SOX5: variants seen among roughly 807,000 people sequenced by gnomAD.
SOX5 encodes SRY-box transcription factor 5.
In SOX5, 9 loss-of-function variants were observed where a neutral mutation model predicts 92.0. The ratio of observed to expected loss-of-function variants is 0.10; its 90% confidence interval spans 0.06 to 0.17. The LOEUF (loss-of-function observed/expected upper bound fraction) is 0.17, where lower values mean the gene tolerates loss of function less well. Ranked by LOEUF, SOX5 falls within the 10% of genes least tolerant of loss-of-function variation. The pLI, the probability that SOX5 is intolerant of heterozygous loss-of-function variation, is 1.00. For missense variants in SOX5, 642 were observed against 944.5 expected (o/e 0.68, Z 4.20); for synonymous variants, 344 against 336.3 (o/e 1.02, Z -0.25).
At chr12:24,229,071 A>G (rs1273936966) in intron 3 of SOX5, among the ~76,000 whole-genome samples, 2 of 152,204 alleles carry the variant, frequency 1.3e-5, no homozygotes, top group African/African-American at 4.8e-5. Flanking sequence ...GGCAGACAGG[A>G]GAACGCCCCT....
chr12:24,194,432 T>C (rs12305236), intron 4 of SOX5, among the ~76,000 whole-genome samples: 1 of 99,238 alleles, frequency 1.0e-5, no homozygotes, highest in Non-Finnish European at 2.1e-5. Flanking sequence ...TAGGTAGGTA[T>C]GTAGGTAGGT....
chr12:24,269,836 GCAATTTT>G (rs967079765), intron 3 of SOX5, among the ~76,000 whole-genome samples: 4 of 123,862 alleles, frequency 3.2e-5, no homozygotes, highest in African/African-American at 1.2e-4. Flanking sequence ...GTTCCACCAT[GCAATTTT>G]TTTTTTTTTT....
intron 3 of SOX5, among the ~76,000 whole-genome samples, chr12:23,804,404 T>C (rs1361928691): frequency 8.5e-5 from 13 of 152,052 alleles, no homozygotes; most frequent in Admixed American, 2.0e-4. Flanking sequence ...TTCCAGTAAG[T>C]GTGTGGCCAG....
intron 11 of SOX5, among the ~76,000 whole-genome samples, chr12:23,561,427 T>A (rs149972161): frequency 1.3e-5 from 2 of 152,174 alleles, no homozygotes; most frequent in Non-Finnish European, 2.9e-5. Context: ...CATAAAGTCA[T>A]GTGTTAGAAC....
chr12:24,464,508 T>A (rs1352905913), intron 1 of SOX5, among the ~76,000 whole-genome samples: 2 of 151,950 alleles, frequency 1.3e-5, no homozygotes, highest in South Asian at 2.1e-4. Context: ...GCCCAGCTAA[T>A]TTTTTTGTAT....
At chr12:24,112,189 C>T (rs1947431687) in intron 4 of SOX5, among the ~76,000 whole-genome samples, 1 of 152,206 alleles carries the variant, frequency 6.6e-6, no homozygotes, top group Non-Finnish European at 1.5e-5. Context: ...ACGAGAGCCG[C>T]CCAGTGAAAC....
chr12:23,947,520 G>T (rs565101406), intron 1 of SOX5, among the ~76,000 whole-genome samples: 1 of 152,008 alleles, frequency 6.6e-6, no homozygotes, highest in South Asian at 2.1e-4. Flanking sequence ...GATTTGCTGA[G>T]ATCTTTGTAT....
chr12:24,541,194 G>T (rs1276972791), intron 1 of SOX5, among the ~76,000 whole-genome samples: 1 of 152,168 alleles, frequency 6.6e-6, no homozygotes, highest in Non-Finnish European at 1.5e-5. Context: ...GTATCATGCT[G>T]CACCAGAACA....
At chr12:24,416,898 A>T (rs959685820) in intron 1 of SOX5, among the ~76,000 whole-genome samples, 2 of 152,176 alleles carry the variant, frequency 1.3e-5, no homozygotes, top group African/African-American at 4.8e-5. Flanking sequence ...TTGTCTACTC[A>T]GCATCTCATT....
intron 3 of SOX5, among the ~76,000 whole-genome samples, chr12:23,817,677 T>C (rs2096022861): frequency 1.3e-5 from 2 of 152,194 alleles, no homozygotes; most frequent in South Asian, 4.1e-4. Flanking sequence ...TCTATCAATA[T>C]GTAAATATTA....
intron 6 of SOX5, among the ~76,000 whole-genome samples, chr12:23,721,317 T>C (rs1365528075): frequency 6.6e-6 from 1 of 152,072 alleles, no homozygotes; most frequent in Non-Finnish European, 1.5e-5. Flanking sequence ...ACTCCCGACC[T>C]TAGGTGATCC....
chr12:23,897,323 C>T (rs1316671226), intron 1 of SOX5, among the ~76,000 whole-genome samples: 1 of 151,918 alleles, frequency 6.6e-6, no homozygotes, highest in Non-Finnish European at 1.5e-5. Flanking sequence ...AACATGCATT[C>T]AAGTACAGGA....
At chr12:24,290,769 G>A (rs1266020199) in intron 2 of SOX5, among the ~76,000 whole-genome samples, 4 of 152,152 alleles carry the variant, frequency 2.6e-5, no homozygotes, top group Non-Finnish European at 4.4e-5. Flanking sequence ...GTTGGAGTAT[G>A]CACAGGAAGT....
intron 2 of SOX5, among the ~76,000 whole-genome samples, chr12:23,860,978 AC>A (rs1794876612): frequency 6.8e-6 from 1 of 146,716 alleles, no homozygotes; most frequent in South Asian, 2.2e-4. Context: ...AAAAAAAAAA[AC>A]CCTGCCAACA....
intron 8 of SOX5, among the ~76,000 whole-genome samples, chr12:23,618,562 C>T (rs924730316): frequency 6.6e-6 from 1 of 152,116 alleles, no homozygotes; most frequent in Non-Finnish European, 1.5e-5. Flanking sequence ...ACTTGAAACA[C>T]ATAAGGGGAG....
At chr12:23,670,820 T>C (rs571035092) in intron 6 of SOX5, among the ~76,000 whole-genome samples, 2 of 150,464 alleles carry the variant, frequency 1.3e-5, no homozygotes, top group African/African-American at 4.9e-5. Context: ...CCACAGACAT[T>C]AAAAAGAGTG....
chr12:23,674,336 A>ATT (rs34975795), intron 6 of SOX5, among the ~76,000 whole-genome samples: 34,974 of 97,244 alleles, frequency 0.36, 7,475 homozygotes, highest in East Asian at 0.62. Flanking sequence ...ATAAAAAGGA[A>ATT]TTTTTTTTTT....
intron 4 of SOX5, among the ~76,000 whole-genome samples, chr12:24,068,075 G>A (rs1244023465): frequency 6.6e-6 from 1 of 152,236 alleles, no homozygotes; most frequent in Non-Finnish European, 1.5e-5. Context: ...AACCCAGGAG[G>A]TGGAGGTTGC....
intron 2 of SOX5, among the ~76,000 whole-genome samples, chr12:23,880,333 A>C (rs1013814107): frequency 6.6e-6 from 1 of 152,172 alleles, no homozygotes; most frequent in African/African-American, 2.4e-5. Flanking sequence ...ATGGACACCC[A>C]TATTATGGTA....
Sources: allele counts gnomAD v4.1 joint callset (sites outside exome capture counted in the v4.1 genomes callset), GRCh38; gene constraint gnomAD v4.1.1; transcripts MANE v1.5; gene names NCBI Gene and HGNC (gene_info 2026-07-23, HGNC 2026-07-21).